Variants in UCHL3 observed in about 807,000 individuals in gnomAD.
UCHL3 encodes ubiquitin C-terminal hydrolase L3.
UCHL3 carries 22 observed loss-of-function variants against 35.8 expected under a neutral mutation model. That is an observed-to-expected ratio of 0.61 (90% CI 0.44 to 0.88). UCHL3 has a LOEUF of 0.88. UCHL3 is among the 40% of genes least tolerant of loss of function. UCHL3 has a pLI of 0.00. For missense variants in UCHL3, 229 were observed against 276.9 expected (o/e 0.83, Z 1.23); for synonymous variants, 90 against 92.8 (o/e 0.97, Z 0.17).
At chr13:75,604,648 A>G in intron 7 of UCHL3, 121 bp from the exon 8 acceptor site, 3 of 587,248 alleles carry the variant, frequency 5.1e-6, no homozygotes, top group Admixed American at 3.7e-5. Context: ...GTTTTAGGAT[A>G]TATTATTGAA....
At chr13:75,591,305 A>G (rs1044224365) in intron 6 of UCHL3, among the ~76,000 whole-genome samples, 1 of 151,968 alleles carries the variant, frequency 6.6e-6, no homozygotes, top group African/African-American at 2.4e-5. Context: ...ATCTCTTTCT[A>G]TTTCATTATC....
intron 7 of UCHL3, among the ~76,000 whole-genome samples, chr13:75,600,022 T>C (rs1161782079): frequency 6.6e-6 from 1 of 152,234 alleles, no homozygotes; most frequent in Admixed American, 6.5e-5. Flanking sequence ...ATTGCTGATA[T>C]GGAGAAAGTT....
At chr13:75,549,681 C>T (rs1324891179), upstream of UCHL3, 20 of 947,116 alleles carry the variant, frequency 2.1e-5, no homozygotes, top group South Asian at 3.3e-4. Flanking sequence ...GTGAGAGGCC[C>T]GTCAAACTCT....
intron 6 of UCHL3, chr13:75,590,213 G>A (rs2032445442): frequency 8.3e-7 from 1 of 1,201,036 alleles, no homozygotes; most frequent in Non-Finnish European, 1.1e-6. Flanking sequence ...GGTCTTCAGA[G>A]TGCTTTTCTC....
chr13:75,583,869 A>G (rs2032252826), intron 6 of UCHL3, among the ~76,000 whole-genome samples: 3 of 152,226 alleles, frequency 2.0e-5, no homozygotes, highest in South Asian at 2.1e-4. Flanking sequence ...GTAGGCTACC[A>G]TAAGACTATA....
intron 6 of UCHL3, among the ~76,000 whole-genome samples, chr13:75,594,305 T>C (rs892308496): frequency 2.0e-5 from 3 of 152,204 alleles, no homozygotes; most frequent in Non-Finnish European, 4.4e-5. Context: ...TCTTATCTTT[T>C]TTCCCTTCCT....
intron 6 of UCHL3, among the ~76,000 whole-genome samples, chr13:75,574,462 A>T (rs2031961322): frequency 6.6e-6 from 1 of 152,176 alleles, no homozygotes; most frequent in African/African-American, 2.4e-5. Context: ...GGACATATAT[A>T]GGCATGTATA....
intron 6 of UCHL3, among the ~76,000 whole-genome samples, chr13:75,578,642 GCTAATGATA>G (rs1356047391): frequency 6.6e-6 from 1 of 151,970 alleles, no homozygotes; most frequent in Non-Finnish European, 1.5e-5. Flanking sequence ...ATGTTTGATT[GCTAATGATA>G]CTTAAAAGAT....
intron 6 of UCHL3, among the ~76,000 whole-genome samples, chr13:75,572,926 C>T (rs938948152): frequency 1.2e-4 from 19 of 152,154 alleles, no homozygotes; most frequent in Non-Finnish European, 2.2e-4. Flanking sequence ...GGCTTTAAAT[C>T]CCTGCTTCAG....
chr13:75,549,880 C>A lies in UCHL3; in HGVS notation c.42+18C>A, dbSNP rs748131273. On this transcript the variant is annotated intron_variant, in intron 1 of 8. Transcript: ENST00000377595. ...ATCCCGAGGTGGGCGCGCTTCGGGGCAGCCCTGGGCCGTGGGCAGGTGCAG... is the reference window on the plus strand; with the variant it reads ...ATCCCGAGGTGGGCGCGCTTCGGGGAAGCCCTGGGCCGTGGGCAGGTGCAG... 1.2e-6 allele frequency: 2 copies of A among 1,612,216 alleles called. No individual in the cohort carries two copies. Among genetic ancestry groups the A allele is most frequent in the Admixed American group, 3.3e-5 (2 of 59,942 alleles).
chr13:75,589,678 CTG>C (rs1359551351), intron 6 of UCHL3, among the ~76,000 whole-genome samples: 1 of 151,752 alleles, frequency 6.6e-6, no homozygotes, highest in Admixed American at 6.6e-5. Context: ...TTCCATGAGT[CTG>C]TGCTATGCAA....
chr13:75,566,691 AT>A lies in UCHL3; in HGVS notation c.184-3del. 7.0e-7 allele frequency: 1 copy of A among 1,435,084 alleles called. No individual in the cohort carries two copies. The highest frequency in any genetic ancestry group is 9.2e-7 in the Non-Finnish European group (1 of 1,084,792). The allele number at this position is 1,435,084 out of a possible 1,614,324, so 88.9% of individuals were successfully genotyped here. A position where few individuals can be genotyped will look rare whatever the true frequency, so the allele number is the denominator to read the frequency against. The stretch of plus-strand genomic sequence containing the variant: ...ATACACTGTTGACTTTTTTTTTTTA[AT>A]AGTATGAAGTATTCAGAACAGAAGA... On this transcript the variant is annotated splice_polypyrimidine_tract_variant and splice_region_variant and intron_variant, in intron 3 of 8. Coordinates refer to ENST00000377595, the MANE Select transcript of UCHL3 (RefSeq NM_006002.5).
intron 6 of UCHL3, among the ~76,000 whole-genome samples, chr13:75,584,886 A>G (rs931108421): frequency 6.6e-6 from 1 of 152,186 alleles, no homozygotes; most frequent in African/African-American, 2.4e-5. Context: ...ATGTGAAGAT[A>G]AATCACTGGA....
intron 6 of UCHL3, among the ~76,000 whole-genome samples, 162 bp from the exon 7 acceptor site, chr13:75,594,753 G>T (rs1478562515): frequency 6.6e-6 from 1 of 152,092 alleles, no homozygotes; most frequent in African/African-American, 2.4e-5. Context: ...ACAAACACAG[G>T]CATGGTCACT....
intron 6 of UCHL3, among the ~76,000 whole-genome samples, chr13:75,593,607 A>T (rs1298991725): frequency 1.3e-5 from 2 of 152,174 alleles, no homozygotes; most frequent in Non-Finnish European, 2.9e-5. Flanking sequence ...GAGCAACAAT[A>T]AAACTAGATA....
chr13:75,553,965 C>G (rs2031204028), intron 2 of UCHL3, among the ~76,000 whole-genome samples: 1 of 152,146 alleles, frequency 6.6e-6, no homozygotes, highest in Non-Finnish European at 1.5e-5. Flanking sequence ...TGATTTGATT[C>G]TTGGATTGTA....
At chr13:75,569,433 C>G (rs755390303) in intron 5 of UCHL3, 27 bp from the exon 6 acceptor site, 1 of 1,554,682 alleles carries the variant, frequency 6.4e-7, no homozygotes, top group South Asian at 1.3e-5. Context: ...GCATTTTTTC[C>G]AATGAATACC....
At chr13:75,601,355 A>G (rs1157503031) in intron 7 of UCHL3, among the ~76,000 whole-genome samples, 2 of 152,206 alleles carry the variant, frequency 1.3e-5, no homozygotes, top group Non-Finnish European at 2.9e-5. Context: ...GCTACAGAGA[A>G]ATCTTTCATA....
intron 3 of UCHL3, 120 bp downstream of exon 3, chr13:75,561,001 G>A: frequency 1.1e-6 from 1 of 897,744 alleles, no homozygotes; most frequent in Non-Finnish European, 1.5e-6. Context: ...TGTAATCATG[G>A]CTTACTGCAG....
Sources: allele counts gnomAD v4.1 joint callset (sites outside exome capture counted in the v4.1 genomes callset), GRCh38; gene constraint gnomAD v4.1.1; transcripts MANE v1.5; gene names NCBI Gene and HGNC (gene_info 2026-07-23, HGNC 2026-07-21).